SLC26A9: variants seen among roughly 807,000 people sequenced by gnomAD.
SLC26A9 encodes anion transporter/exchanger protein 9.
SLC26A9 carries 46 observed loss-of-function variants against 87.1 expected under a neutral mutation model. The ratio of observed to expected loss-of-function variants is 0.53; its 90% CI spans 0.42 to 0.67. The LOEUF is 0.67. SLC26A9 is among the 30% of genes least tolerant of loss of function. The pLI, the probability that SLC26A9 is intolerant of heterozygous loss-of-function variation, is 0.00. For synonymous variants in SLC26A9, 437 were observed against 409.1 expected, an observed-to-expected ratio of 1.07 and a Z score of -0.82; for missense variants, 927 against 1,018.3, an observed-to-expected ratio of 0.91 and a Z score of 1.22.
At chr1:205,918,261 C>T (rs12757540) in intron 19 of SLC26A9, among the ~76,000 whole-genome samples, 43 of 152,000 alleles carry the variant, frequency 2.8e-4, no homozygotes, top group Non-Finnish European at 1.6e-4. Flanking sequence ...AGGAGGTAGG[C>T]TTTTTCTGAC....
Position 205,913,301 on chromosome 1 carries a change from G to A in SLC26A9, c.*2056C>T, listed in dbSNP as rs1245893744. 6.6e-6 allele frequency: 1 copy of A among 152,268 alleles called. No individual in the cohort carries two copies. Among genetic ancestry groups the A allele is most frequent in the East Asian group, 1.9e-4 (1 of 5,198 alleles). 9.4% of individuals were successfully genotyped at this position (152,268 alleles called of 1,614,324 possible). A position where few individuals can be genotyped will look rare whatever the true frequency, so the allele number is the denominator to read the frequency against. Reference sequence around the variant, plus strand: ...CTTTTCCAAATATTCCAGCAGAGATGTTTTCTTCAATGTCTTCCCTCTGCC... The same window carrying A: ...CTTTTCCAAATATTCCAGCAGAGATATTTTCTTCAATGTCTTCCCTCTGCC... On this transcript the variant is annotated 3_prime_UTR_variant, in exon 21 of 21. Transcript: ENST00000367135.
In SLC26A9 at chr1:205,920,169, C is replaced by A; in HGVS notation, c.2110+7G>T. On this transcript the variant is annotated splice_region_variant and intron_variant, in intron 18 of 20. Transcript: ENST00000367135. ...CTTTCAGTCCCTAAATGTCCTCTTTCTCTTACCATGGATGTTCACCAAGAA... is the reference window on the plus strand; with the variant it reads ...CTTTCAGTCCCTAAATGTCCTCTTTATCTTACCATGGATGTTCACCAAGAA... 6.2e-7 allele frequency: 1 copy of A among 1,613,894 alleles called. No homozygotes were observed. The highest frequency in any genetic ancestry group is 1.1e-5 in the South Asian group (1 of 91,072).
At chr1:205,916,327 C>T (rs141867024) in intron 20 of SLC26A9, among the ~76,000 whole-genome samples, 5,238 of 152,224 alleles carry the variant, frequency 0.034, 303 homozygotes, top group African/African-American at 0.12. Flanking sequence ...AAACTCCTGA[C>T]CTCAGGTGGT....
At chr1:205,938,149 T>A (rs755727780) in intron 1 of SLC26A9, among the ~76,000 whole-genome samples, 1 of 152,020 alleles carries the variant, frequency 6.6e-6, no homozygotes, top group Admixed American at 6.5e-5. Context: ...AGTGGTACCT[T>A]TCTTCCTGCC....
intron 7 of SLC26A9, 41 bp downstream of exon 7, chr1:205,929,163 G>T: frequency 6.3e-7 from 1 of 1,593,306 alleles, no homozygotes; most frequent in Non-Finnish European, 8.6e-7. Flanking sequence ...TCGTCTCACA[G>T]CCTGGCCCCC....
chr1:205,923,732 A>G, intron 13 of SLC26A9, 119 bp from the exon 14 acceptor site: 1 of 1,049,604 alleles, frequency 9.5e-7, no homozygotes, highest in Non-Finnish European at 1.4e-6. Context: ...CCTCACCCCC[A>G]GACTTGCTGT....
At position 205,915,152 on chromosome 1, in the gene SLC26A9, G is replaced by T. The variant is rs754464518; in HGVS notation, c.*205C>A. On this transcript the variant is annotated 3_prime_UTR_variant, in exon 21 of 21. Transcript: ENST00000367135. ...CTCACCAGACTCTCACTCCTGTAAG[G>T]GTAGCACCCCCCTGCTGCTGAGAGG... is the stretch of plus-strand genomic sequence containing the variant. 9.3e-6 allele frequency: 15 copies of T among 1,613,042 alleles called. No individual in the cohort carries two copies. Among genetic ancestry groups the T allele is most frequent in the African/African-American group, 1.3e-5 (1 of 74,898 alleles).
In SLC26A9 at chr1:205,914,874, T is replaced by C; in HGVS notation, c.*483A>G. 6.3e-7 allele frequency: 1 copy of C among 1,594,914 alleles called. No homozygotes were observed. The highest frequency in any genetic ancestry group is 8.5e-7 in the Non-Finnish European group (1 of 1,169,640). ...GGCAGCTGGGGAAGGCAAGCCAGAG[T>C]CCTAACCAAGTTTATCCCTATGTCC... On this transcript the variant is annotated 3_prime_UTR_variant, in exon 21 of 21. Coordinates refer to ENST00000367135, the MANE Select transcript of SLC26A9 (RefSeq NM_052934.4).
intron 17 of SLC26A9, 63 bp from the exon 18 acceptor site, chr1:205,920,293 T>C: frequency 1.9e-6 from 3 of 1,600,350 alleles, no homozygotes; most frequent in Non-Finnish European, 2.6e-6. Flanking sequence ...GTCTCAAAAG[T>C]GATTCACAAA....
intron 1 of SLC26A9, among the ~76,000 whole-genome samples, chr1:205,940,042 G>A (rs568814610): frequency 6.6e-6 from 1 of 152,232 alleles, no homozygotes; most frequent in East Asian, 1.9e-4. Flanking sequence ...GGGAAGGGGG[G>A]CAGGTCCTAA....
intron 17 of SLC26A9, among the ~76,000 whole-genome samples, chr1:205,921,199 A>G (rs1658812191): frequency 6.6e-6 from 1 of 152,158 alleles, no homozygotes; most frequent in Admixed American, 6.5e-5. Flanking sequence ...TGGCCGGTGA[A>G]TGAGGGACAA....
chr1:205,924,200 A>G (rs987315248), intron 13 of SLC26A9, among the ~76,000 whole-genome samples, 183 bp downstream of exon 13: 22 of 152,106 alleles, frequency 1.4e-4, no homozygotes, highest in African/African-American at 5.3e-4. Context: ...GGGAAGTCAA[A>G]CAGCCCAGAC....
rs116616041 is a variant in SLC26A9, at chr1:205,923,163, G to T, written c.1692C>A (p.Ala564=). 7.5e-4 allele frequency: 1,218 copies of T among 1,614,090 alleles called. 6 individuals carry two copies. In the African/African-American group the frequency reaches 0.012, roughly 16 times the overall value. Reference sequence around the variant, plus strand: ...CCTGCTTCTTGAGGTATTTTTGCTTGGCTAGTAATACTTTCTGGGGGTCCA... The same window carrying T: ...CCTGCTTCTTGAGGTATTTTTGCTTTGCTAGTAATACTTTCTGGGGGTCCA... ...TGMDPQKVLL[A]KQKYLKKQEK... is the part of the protein sequence containing the mutation. Residue 564 remains alanine (A), a synonymous_variant, in exon 16 of 21, where the codon GCC becomes GCA. Transcript: ENST00000367135.
intron 1 of SLC26A9, among the ~76,000 whole-genome samples, chr1:205,940,232 G>A (rs949617525): frequency 1.3e-5 from 2 of 152,120 alleles, no homozygotes; most frequent in African/African-American, 2.4e-5. Context: ...TGGGAGAGGG[G>A]AAGCAAAGAG....
rs746080026 is a variant in SLC26A9 at position 205,923,320 on chromosome 1, G to C, written c.1659+15C>G. ...CTCTGTCCAGAGCCTCTGGTCGCCA[G>C]GGACTGAGCCTTACCTTGGCGATGA... On this transcript the variant is annotated intron_variant, in intron 15 of 20. Coordinates refer to ENST00000367135, the MANE Select transcript of SLC26A9 (RefSeq NM_052934.4). 3 of 1,613,940 alleles carry C rather than the reference G, an allele frequency of 1.9e-6. No individual in the cohort carries two copies. In the South Asian group the frequency reaches 3.3e-5, roughly 18 times the overall value.
intron 2 of SLC26A9, 124 bp downstream of exon 2, chr1:205,935,572 C>G: frequency 7.0e-7 from 1 of 1,438,094 alleles, no homozygotes; most frequent in South Asian, 1.4e-5. Flanking sequence ...CATTCAGAAC[C>G]TCACTTCCCC....
chr1:205,933,052 A>T lies in SLC26A9; in HGVS notation c.158T>A (p.Phe53Tyr). 1 of 1,614,186 alleles carries T rather than the reference A, an allele frequency of 6.2e-7. No homozygotes were observed. Among genetic ancestry groups the T allele is most frequent in the Non-Finnish European group, 8.5e-7 (1 of 1,180,020 alleles). Residue 53 changes from phenylalanine to tyrosine, a missense_variant, in exon 3 of 21, where the codon TTT becomes TAT. Coordinates refer to ENST00000367135, the MANE Select transcript of SLC26A9 (RefSeq NM_052934.4). ...CSSAKIKAVV[F>Y]GLLPVLSWLP... ...CCAGGAGAGCACAGGCAGCAGCCCA[A>T]ACACCACAGCTTTGATCTTGGCTGA...
At chr1:205,915,545 TGTGC>T (rs1346429787) in intron 20 of SLC26A9, 141 bp from the exon 21 acceptor site, 37 of 833,110 alleles carry the variant, frequency 4.4e-5, no homozygotes, top group East Asian at 8.4e-5. Flanking sequence ...TGTGTGTGTG[TGTGC>T]GAGAGTGTGT....
At position 205,923,240 on chromosome 1, in the gene SLC26A9, G is replaced by C. The variant is rs762197484; in HGVS notation, c.1660-45C>G. The C allele has an allele frequency of 1.9e-5, 30 of 1,610,016 alleles. 1 individual carries two copies. The African/African-American group carries it at 3.6e-4, about 19-fold the overall frequency. On this transcript the variant is annotated intron_variant, in intron 15 of 20. Coordinates refer to ENST00000367135, the MANE Select transcript of SLC26A9 (RefSeq NM_052934.4). ...AGCAATCTTGACCTCCACCCTCTAT[G>C]GGAGTGGCCTATTCTCAGCTCCCAC...
Sources: gnomAD v4.1 joint callset for allele counts (sites outside exome capture counted in the v4.1 genomes callset) on GRCh38, gnomAD v4.1.1 for gene constraint, MANE v1.5 for transcripts, NCBI Gene and HGNC (gene_info 2026-07-23, HGNC 2026-07-21) for gene names.